The following CDH9 variants were observed in gnomAD, a reference collection of about 807,000 sequenced individuals.
The protein encoded by CDH9 is cadherin-9.
CDH9 carries 28 observed loss-of-function variants against 70.9 expected under a neutral mutation model. That is an observed-to-expected ratio of 0.40 (90% confidence interval 0.29 to 0.54). CDH9 has a LOEUF of 0.54. Among genes scored for constraint, CDH9 ranks in the 20% least tolerant of loss-of-function variants. The pLI is 0.59. For synonymous variants in CDH9, 409 were observed against 343.1 expected, an observed-to-expected ratio of 1.19 and a Z score of -2.12; for missense variants, 874 against 984.4, an observed-to-expected ratio of 0.89 and a Z score of 1.50.
intron 2 of CDH9, among the ~76,000 whole-genome samples, chr5:26,962,136 TC>T (rs1212269256): frequency 2.6e-5 from 4 of 152,140 alleles, no homozygotes; most frequent in Non-Finnish European, 5.9e-5. Flanking sequence ...ATCATCTATG[TC>T]CCTGCAAAGG....
chr5:26,924,780 C>G (rs938021964), intron 2 of CDH9, among the ~76,000 whole-genome samples: 28 of 151,986 alleles, frequency 1.8e-4, no homozygotes, highest in Admixed American at 1.8e-3. Flanking sequence ...TCAGTTCCCA[C>G]CTATAAGTGA....
At chr5:26,967,224 G>C (rs1342686123) in intron 2 of CDH9, among the ~76,000 whole-genome samples, 1 of 152,098 alleles carries the variant, frequency 6.6e-6, no homozygotes, top group Non-Finnish European at 1.5e-5. Context: ...GAAATGCTGG[G>C]ATTGCAGGCA....
At chr5:26,906,883 CA>C in intron 3 of CDH9, 45 bp from the exon 4 acceptor site, 1 of 1,522,674 alleles carries the variant, frequency 6.6e-7, no homozygotes. Context: ...TACATACTTC[CA>C]AATCTGAAAC....
At chr5:26,883,050 T>G (rs1214886941) in intron 11 of CDH9, among the ~76,000 whole-genome samples, 10,178 of 49,134 alleles carry the variant, frequency 0.21, 1,819 homozygotes, top group East Asian at 0.36. Context: ...CTTATATATA[T>G]ATATATATAT....
intron 1 of CDH9, among the ~76,000 whole-genome samples, chr5:27,026,145 CTTAT>C (rs1370526960): frequency 2.0e-5 from 3 of 151,822 alleles, no homozygotes; most frequent in South Asian, 2.1e-4. Flanking sequence ...ATTGGAATAT[CTTAT>C]TTAATCAAGC....
intron 2 of CDH9, among the ~76,000 whole-genome samples, chr5:26,979,798 G>T: frequency 6.6e-6 from 1 of 151,606 alleles, no homozygotes; most frequent in Non-Finnish European, 1.5e-5. Flanking sequence ...CACAGGTAAA[G>T]GTTGGTATTC....
At chr5:27,009,429 C>T (rs1365963521) in intron 1 of CDH9, among the ~76,000 whole-genome samples, 2 of 152,100 alleles carry the variant, frequency 1.3e-5, no homozygotes, top group African/African-American at 2.4e-5. Context: ...AAACACATGG[C>T]AGCCAATGGA....
At chr5:26,889,726 G>A (rs1375182691) in intron 9 of CDH9, 110 bp downstream of exon 9, 1 of 611,508 alleles carries the variant, frequency 1.6e-6, no homozygotes, top group Non-Finnish European at 2.8e-6. Context: ...TGGACAAGAA[G>A]TATTGACAAC....
intron 1 of CDH9, among the ~76,000 whole-genome samples, chr5:27,021,223 G>A (rs3828582): frequency 0.46 from 69,611 of 151,360 alleles, 16,785 homozygotes; most frequent in Non-Finnish European, 0.5. Context: ...TGAATGTGAG[G>A]TTTGGAGCAG....
chr5:26,895,136 C>T (rs1383489097), intron 7 of CDH9, among the ~76,000 whole-genome samples: 2 of 151,988 alleles, frequency 1.3e-5, no homozygotes, highest in Non-Finnish European at 2.9e-5. Flanking sequence ...ATTTCTTCCA[C>T]TGACTAAGTC....
intron 2 of CDH9, among the ~76,000 whole-genome samples, chr5:26,979,663 A>G (rs543856183): frequency 3.9e-5 from 6 of 151,906 alleles, no homozygotes; most frequent in African/African-American, 1.2e-4. Context: ...GATTTTTAAT[A>G]GACTTATACA....
chr5:26,934,050 A>T (rs1335374213), intron 2 of CDH9, among the ~76,000 whole-genome samples: 1 of 152,122 alleles, frequency 6.6e-6, no homozygotes, highest in Admixed American at 6.6e-5. Context: ...AGAGCCTCAG[A>T]TGGCTACCAC....
At chr5:27,006,081 A>C (rs1005995578) in intron 1 of CDH9, among the ~76,000 whole-genome samples, 7 of 152,056 alleles carry the variant, frequency 4.6e-5, no homozygotes, top group African/African-American at 1.7e-4. Context: ...TGGGCTTAAT[A>C]CCTGGGTGAC....
intron 2 of CDH9, among the ~76,000 whole-genome samples, chr5:26,968,614 G>A (rs1395475690): frequency 6.6e-6 from 1 of 151,896 alleles, no homozygotes; most frequent in Non-Finnish European, 1.5e-5. Context: ...CCAAATGGGT[G>A]GAGACTGTCC....
chr5:26,892,764 T>A (rs1740682116), intron 7 of CDH9, among the ~76,000 whole-genome samples: 1 of 152,098 alleles, frequency 6.6e-6, no homozygotes, highest in Admixed American at 6.5e-5. Flanking sequence ...TGAGTCTCAC[T>A]CTCTCGCCCA....
At chr5:27,029,447 T>G (rs915626133) in intron 1 of CDH9, among the ~76,000 whole-genome samples, 2 of 151,982 alleles carry the variant, frequency 1.3e-5, no homozygotes. Flanking sequence ...CCAAGCTATC[T>G]AGACAAAACA....
intron 1 of CDH9, among the ~76,000 whole-genome samples, chr5:27,002,480 T>C (rs1742787883): frequency 6.6e-6 from 1 of 152,194 alleles, no homozygotes; most frequent in South Asian, 2.1e-4. Flanking sequence ...CGTATGTTTA[T>C]TGTGGCACTA....
intron 1 of CDH9, among the ~76,000 whole-genome samples, chr5:27,000,279 T>C (rs1295315523): frequency 6.6e-6 from 1 of 152,172 alleles, no homozygotes; most frequent in Non-Finnish European, 1.5e-5. Flanking sequence ...CAAAATTTTT[T>C]GCAGTTAGTG....
intron 2 of CDH9, among the ~76,000 whole-genome samples, chr5:26,962,268 G>C (rs895013754): frequency 6.6e-6 from 1 of 152,092 alleles, no homozygotes; most frequent in Non-Finnish European, 1.5e-5. Context: ...GTTGTGAACA[G>C]TGCCACAATA....
Sources: allele counts gnomAD v4.1 joint callset (sites outside exome capture counted in the v4.1 genomes callset), GRCh38; gene constraint gnomAD v4.1.1; transcripts MANE v1.5; gene names NCBI Gene and HGNC (gene_info 2026-07-23, HGNC 2026-07-21).